Variants in DOT1L observed in about 807,000 individuals in gnomAD.
The protein encoded by DOT1L is DOT1 like histone lysine methyltransferase, also known as histone-lysine N-methyltransferase, H3 lysine-79 specific.
In DOT1L, 33 loss-of-function variants were observed where a neutral mutation model predicts 153.3. That is an observed-to-expected ratio of 0.22 (90% CI 0.16 to 0.29). The LOEUF is 0.29. Ranked by LOEUF, DOT1L falls within the 10% of genes least tolerant of loss-of-function variation. The pLI, the probability that DOT1L is intolerant of heterozygous loss-of-function variation, is 1.00. For missense variants in DOT1L, 1,847 were observed against 2,119.9 expected, an observed-to-expected ratio of 0.87 and a Z score of 2.53; for synonymous variants, 1,135 against 965.1, an observed-to-expected ratio of 1.18 and a Z score of -3.26.
intron 2 of DOT1L, among the ~76,000 whole-genome samples, chr19:2,184,212 G>A (rs370985968): frequency 2.0e-5 from 3 of 152,258 alleles, no homozygotes; most frequent in South Asian, 2.1e-4. Context: ...GGTTGCTCTC[G>A]GGGCCTCGCT....
At chr19:2,164,934 G>T (rs1342846941) in intron 1 of DOT1L, among the ~76,000 whole-genome samples, 2 of 152,208 alleles carry the variant, frequency 1.3e-5, no homozygotes, top group Non-Finnish European at 2.9e-5. Flanking sequence ...ACTTCTCCCC[G>T]ATCTTGAGTG....
At chr19:2,174,500 A>G (rs2021809009) in intron 1 of DOT1L, among the ~76,000 whole-genome samples, 1 of 152,124 alleles carries the variant, frequency 6.6e-6, no homozygotes, top group Non-Finnish European at 1.5e-5. Context: ...CAGCCTGACC[A>G]ACGTGGAGAA....
At chr19:2,187,088 T>C (rs1468607084) in intron 3 of DOT1L, among the ~76,000 whole-genome samples, 2 of 152,152 alleles carry the variant, frequency 1.3e-5, no homozygotes, top group Non-Finnish European at 2.9e-5. Context: ...GTCCCCTCTT[T>C]CTAAGCTTCT....
At chr19:2,226,074 C>T (rs1052598815) in intron 26 of DOT1L, 109 bp from the exon 27 acceptor site, 43 of 1,258,728 alleles carry the variant, frequency 3.4e-5, no homozygotes, top group East Asian at 7.8e-5. Flanking sequence ...TGTCTGTGAC[C>T]AGCCCTGCCT....
chr19:2,192,419 G>A (rs893620928), intron 5 of DOT1L, among the ~76,000 whole-genome samples: 12 of 152,178 alleles, frequency 7.9e-5, no homozygotes, highest in Non-Finnish European at 1.6e-4. Context: ...TGTAATCCCA[G>A]CACTTTGGGA....
chr19:2,227,784 G>T, intron 27 of DOT1L: 6 of 1,314,712 alleles, frequency 4.6e-6, no homozygotes, highest in Non-Finnish European at 6.0e-6. Context: ...TCCGTTTGGA[G>T]CCCGTGTCGG....
At chr19:2,167,772 A>G (rs929503366) in intron 1 of DOT1L, among the ~76,000 whole-genome samples, 46 of 133,970 alleles carry the variant, frequency 3.4e-4, no homozygotes, top group African/African-American at 1.2e-3. Flanking sequence ...GTCTTGCTCT[A>G]TCGCCCAGGC....
chr19:2,211,287 T>C (rs778944095), intron 15 of DOT1L, 75 bp downstream of exon 15: 97 of 1,328,426 alleles, frequency 7.3e-5, no homozygotes, highest in Non-Finnish European at 9.7e-5. Context: ...GTTGTGACGC[T>C]GACCTCGCAG....
At position 2,222,869 on chromosome 19, in the gene DOT1L, C is replaced by T. The variant is rs896630277; in HGVS notation, c.3390+310C>T. The T allele has an allele frequency of 9.8e-6, 4 of 409,190 alleles. No homozygotes were observed. The highest frequency in any genetic ancestry group is 1.3e-5 in the Non-Finnish European group (3 of 230,978). 25.3% of individuals were successfully genotyped at this position (409,190 alleles called of 1,614,324 possible). A position where few individuals can be genotyped will look rare whatever the true frequency, so the allele number is the denominator to read the frequency against. Reference sequence around the variant, plus strand: ...CTGCCTGGGCCACAGAGCGAGACTCCCTCTCGGGGGGACAAAAAAAAACAC... The same window carrying T: ...CTGCCTGGGCCACAGAGCGAGACTCTCTCTCGGGGGGACAAAAAAAAACAC... On this transcript the variant is annotated intron_variant, in intron 24 of 27. Transcript: ENST00000398665. The surrounding 1 kb of genome is among the most constrained non-coding windows in gnomAD (Gnocchi z 6.5).
chr19:2,198,669 G>A (rs2023121230), intron 7 of DOT1L, among the ~76,000 whole-genome samples: 1 of 152,230 alleles, frequency 6.6e-6, no homozygotes, highest in South Asian at 2.1e-4. Context: ...TCCTCCCTCG[G>A]CTCTTGGGGT....
At chr19:2,228,765 CG>C in intron 27 of DOT1L, 2 of 985,404 alleles carry the variant, frequency 2.0e-6, no homozygotes, top group Non-Finnish European at 1.2e-6. Flanking sequence ...TCACTCATGA[CG>C]GGTGGCGTGG....
At chr19:2,164,658 TC>T (rs1485319069) in intron 1 of DOT1L, among the ~76,000 whole-genome samples, 3 of 147,320 alleles carry the variant, frequency 2.0e-5, no homozygotes, top group Admixed American at 1.4e-4. Flanking sequence ...TTTGAGGGCA[TC>T]CTTTCCTGTC....
chr19:2,185,621 T>A (rs1483016285), intron 2 of DOT1L, among the ~76,000 whole-genome samples: 3 of 151,978 alleles, frequency 2.0e-5, no homozygotes, highest in Non-Finnish European at 2.9e-5. Flanking sequence ...ATACAAAAAT[T>A]AGCCAGGCGT....
intron 25 of DOT1L, among the ~76,000 whole-genome samples, chr19:2,224,004 G>A (rs186066815): frequency 9.2e-5 from 14 of 151,610 alleles, no homozygotes; most frequent in Admixed American, 7.2e-4. Context: ...GGCACCCCCC[G>A]CCCCCATCCT....
intron 25 of DOT1L, among the ~76,000 whole-genome samples, chr19:2,223,747 A>G (rs2144915328): frequency 1.3e-5 from 2 of 152,342 alleles, no homozygotes; most frequent in South Asian, 4.1e-4. Flanking sequence ...GGAGGAGCTG[A>G]GCGCAGCAGG....
chr19:2,202,624 C>T (rs1043728907), intron 8 of DOT1L, 76 bp from the exon 9 acceptor site: 52 of 1,441,328 alleles, frequency 3.6e-5, no homozygotes, highest in Admixed American at 2.4e-4. Flanking sequence ...CCGACAGCAG[C>T]GGTTGTTGGC....
At chr19:2,219,997 C>A in intron 22 of DOT1L, 111 bp from the exon 23 acceptor site, 1 of 965,462 alleles carries the variant, frequency 1.0e-6, no homozygotes. Flanking sequence ...GACGGTGACC[C>A]CGGCGGCCTC....
chr19:2,186,844 C>A (rs79868392), intron 3 of DOT1L, among the ~76,000 whole-genome samples: 1 of 152,262 alleles, frequency 6.6e-6, no homozygotes, highest in African/African-American at 2.4e-5. Flanking sequence ...GCCACCCCCC[C>A]TCATTGGGCG....
Position 2,231,795 on chromosome 19 carries a change from G to A in DOT1L, c.*2003G>A, listed in dbSNP as rs2024609497. The A allele has an allele frequency of 4.6e-6, 1 of 216,560 alleles. No homozygotes were observed. Among genetic ancestry groups the A allele is most frequent in the Non-Finnish European group, 9.3e-6 (1 of 107,654 alleles). 13.4% of individuals were successfully genotyped at this position (216,560 alleles called of 1,614,324 possible). ...ACTGTATTACTTCTGCCTCCCTCTAGGTGACAGTGGCAGTCCGGGTGCCAT... is the reference window on the plus strand; with the variant it reads ...ACTGTATTACTTCTGCCTCCCTCTAAGTGACAGTGGCAGTCCGGGTGCCAT... On this transcript the variant is annotated 3_prime_UTR_variant, in exon 28 of 28. Coordinates refer to ENST00000398665, the MANE Select transcript of DOT1L (RefSeq NM_032482.3).
Sources: gnomAD v4.1 joint callset for allele counts (sites outside exome capture counted in the v4.1 genomes callset) on GRCh38, gnomAD v4.1.1 for gene constraint, Gnocchi (gnomAD v3.1) non-coding constraint, MANE v1.5 for transcripts, NCBI Gene and HGNC (gene_info 2026-07-23, HGNC 2026-07-21) for gene names.